The following NFE2L3 variants were observed in gnomAD, a reference collection of about 807,000 sequenced individuals.
NFE2L3 encodes the protein nuclear factor erythroid 2-related factor 3.
In NFE2L3, 18 loss-of-function variants were observed where a neutral mutation model predicts 23.5. That is an observed-to-expected ratio of 0.77 (90% CI 0.53 to 1.13). The LOEUF (loss-of-function observed/expected upper bound fraction) is 1.13. NFE2L3 is among the 50% of genes most tolerant of loss of function. The probability of loss-of-function intolerance (pLI) is 0.00; values close to 1 mark genes in which losing one functional copy is unlikely to be tolerated. For synonymous variants in NFE2L3, 424 were observed against 354.5 expected (o/e 1.20, Z -2.20); for missense variants, 1,152 against 877.2 (o/e 1.31, Z -3.96).
chr7:26,164,623 T>C (rs1040038316), intron 1 of NFE2L3, among the ~76,000 whole-genome samples: 1 of 152,210 alleles, frequency 6.6e-6, no homozygotes. Flanking sequence ...TTCACTCTGA[T>C]GGTAGTTTCT....
At chr7:26,178,170 G>C (rs1228172426) in intron 2 of NFE2L3, 48 bp downstream of exon 2, 31 of 1,541,620 alleles carry the variant, frequency 2.0e-5, no homozygotes, top group Non-Finnish European at 2.7e-5. Flanking sequence ...TTTTAATGTA[G>C]ATTTTGTGGC....
In NFE2L3 at chr7:26,185,546, GAAGGAAACTCTTAAGAGAGAGC is replaced by G. The variant is rs1349399947; in HGVS notation, c.1852_1873del (p.Glu618HisfsTer9). The G allele has an allele frequency of 6.2e-7, 1 of 1,613,856 alleles. No individual in the cohort carries two copies. Reference sequence around the variant, plus strand: ...ATGATGTATGTAACTTGCAAGCAAAGAAGGAAACTCTTAAGAGAGAGCAAGCACAATGTAACAAAGCTATTAA... The same window carrying G: ...ATGATGTATGTAACTTGCAAGCAAAGAAGCACAATGTAACAAAGCTATTAA... On this transcript the variant is annotated frameshift_variant, in exon 4 of 4. Coordinates refer to ENST00000056233, the MANE Select transcript of NFE2L3 (RefSeq NM_004289.7). LOFTEE classifies it low-confidence loss of function (END_TRUNC).
chr7:26,161,736 A>T (rs1784176541), intron 1 of NFE2L3, among the ~76,000 whole-genome samples: 1 of 152,076 alleles, frequency 6.6e-6, no homozygotes, highest in Non-Finnish European at 1.5e-5. Context: ...TTATTTTCTA[A>T]TATATTCTAA....
intron 1 of NFE2L3, among the ~76,000 whole-genome samples, chr7:26,167,755 C>T (rs1229589305): frequency 1.3e-5 from 2 of 152,090 alleles, no homozygotes; most frequent in Non-Finnish European, 2.9e-5. Flanking sequence ...TAATTACTGG[C>T]TACTAGGGCT....
Position 26,185,027 on chromosome 7 carries a change from T to C in NFE2L3, c.1329T>C (p.Asp443=). Residue 443 remains aspartate (D), a synonymous_variant, in exon 4 of 4, where the codon GAT becomes GAC. Transcript: ENST00000056233. ...CTAATTCCTCTCACTCTGTGTGTGA[T>C]GAAGGTGCTATAGGTTATTGCACTG... ...IKSNSSHSVC[D]EGAIGYCTDH... 1.2e-6 allele frequency: 2 copies of C among 1,613,898 alleles called. No individual in the cohort carries two copies. The highest frequency in any genetic ancestry group is 1.7e-6 in the Non-Finnish European group (2 of 1,179,830).
chr7:26,175,306 G>A (rs1030242237), intron 1 of NFE2L3, among the ~76,000 whole-genome samples: 3 of 152,084 alleles, frequency 2.0e-5, no homozygotes, highest in Non-Finnish European at 4.4e-5. Context: ...CCTGCCGTGA[G>A]CCGAGATCTC....
At chr7:26,154,606 A>G (rs1334276565) in intron 1 of NFE2L3, among the ~76,000 whole-genome samples, 1 of 152,120 alleles carries the variant, frequency 6.6e-6, no homozygotes, top group African/African-American at 2.4e-5. Flanking sequence ...GCTGGAGTGC[A>G]AAGGTGCAAT....
rs1003776374 is a variant in NFE2L3, at chr7:26,152,799, C to G, written c.301C>G (p.Pro101Ala). Residue 101 changes from proline (P) to alanine (A), a missense_variant, in exon 1 of 4, where the codon CCC (proline) becomes GCC (alanine). By Grantham distance (27) the Pro-to-Ala change is conservative. Transcript: ENST00000056233. This position sits in a 1 kb window ranked among gnomAD's most constrained non-coding sequence, Gnocchi z 4.4. ...CCGGGAGGTGCGCGCGCTCGGGGTCCCCTTCGTCCCTCGCACCAGCGTGGA... is the reference window on the plus strand; with the variant it reads ...CCGGGAGGTGCGCGCGCTCGGGGTCGCCTTCGTCCCTCGCACCAGCGTGGA... ...LLREVRALGVPFVPRTSVDAW... is the reference protein window; with the variant it reads ...LLREVRALGVAFVPRTSVDAW... 6.7e-7 allele frequency: 1 copy of G among 1,486,310 alleles called. No homozygotes were observed. The highest frequency in any genetic ancestry group is 1.5e-5 in the African/African-American group (1 of 68,460). The allele number at this position is 1,486,310 out of a possible 1,614,324, so 92.1% of individuals were successfully genotyped here. A position where few individuals can be genotyped will look rare whatever the true frequency, so the allele number is the denominator to read the frequency against.
At chr7:26,184,038 TATTTATCCAAA>T in intron 3 of NFE2L3, 1 of 490,058 alleles carries the variant, frequency 2.0e-6, no homozygotes, top group Middle Eastern at 4.2e-4. Flanking sequence ...AATTATCAGG[TATTTATCCAAA>T]GGAAAGGAAA....
chr7:26,184,178 G>C (rs1264574469), intron 3 of NFE2L3: 1 of 335,880 alleles, frequency 3.0e-6, no homozygotes, highest in Non-Finnish European at 5.5e-6. Context: ...CTACTTCACT[G>C]TAGTTTATTA....
intron 1 of NFE2L3, among the ~76,000 whole-genome samples, chr7:26,170,266 C>A (rs1051462896): frequency 2.6e-5 from 4 of 152,232 alleles, no homozygotes; most frequent in Non-Finnish European, 5.9e-5. Context: ...GAAATATCCA[C>A]TGTAGCCACT....
In NFE2L3 at chr7:26,185,205, C is replaced by A. The variant is rs192882381; in HGVS notation, c.1507C>A (p.Gln503Lys). ...ATTTCATAACCACACTTACCACTTA[C>A]AGCCAACTGCACCAGAATCTACTTC... is the stretch of plus-strand genomic sequence containing the variant. The part of the protein sequence containing the change: ...HVFHNHTYHL[Q>K]PTAPESTSEP... The change falls in exon 4 of 4, where the codon CAG becomes AAG. Residue 503 changes from glutamine to lysine, a missense_variant. Transcript: ENST00000056233. The A allele has an allele frequency of 6.2e-7, 1 of 1,613,914 alleles. No individual in the cohort carries two copies. The highest frequency in any genetic ancestry group is 1.1e-5 in the South Asian group (1 of 91,066).
In NFE2L3 at chr7:26,184,744, C is replaced by A. The variant is rs773624474; in HGVS notation, c.1046C>A (p.Thr349Asn). ...QEPFLQLNSH[T>N]TNPEQTLPGT... ...CCATTTCTGCAGTTAAATTCTCATA[C>A]CACCAATCCTGAGCAAACCCTTCCT... Residue 349 changes from threonine to asparagine, a missense_variant, in exon 4 of 4, where the codon ACC becomes AAC. By Grantham distance (65) the Thr-to-Asn change is moderately conservative. Coordinates refer to ENST00000056233, the MANE Select transcript of NFE2L3 (RefSeq NM_004289.7). The A allele has an allele frequency of 1.2e-6, 2 of 1,613,802 alleles. No individual in the cohort carries two copies. The highest frequency in any genetic ancestry group is 2.2e-5 in the East Asian group (1 of 44,894).
At chr7:26,184,022 T>C (rs1341204526) in intron 3 of NFE2L3, 1 of 507,230 alleles carries the variant, frequency 2.0e-6, no homozygotes, top group Non-Finnish European at 3.5e-6. Flanking sequence ...CTCAAAAAAC[T>C]AAAAGAATTA....
intron 1 of NFE2L3, among the ~76,000 whole-genome samples, chr7:26,168,868 A>G (rs10951127): frequency 0.069 from 10,471 of 152,194 alleles, 812 homozygotes; most frequent in East Asian, 0.36. Flanking sequence ...GTTTTCAACT[A>G]ATTCCTTAAA....
intron 1 of NFE2L3, among the ~76,000 whole-genome samples, chr7:26,162,496 CA>C (rs1271079084): frequency 6.6e-6 from 1 of 151,994 alleles, no homozygotes; most frequent in Non-Finnish European, 1.5e-5. Context: ...AGGAAAAATA[CA>C]AAAAACATCA....
In NFE2L3 at chr7:26,152,700, T is replaced by TG. The variant is rs1172332167; in HGVS notation, c.207dup (p.Arg70AlafsTer136). Reference sequence around the variant, plus strand: ...CAGCCCCTTCTCGGCCTCGGGAGGGTGGGGGCGCGCGGGCCACTTGCACCC... The same window carrying TG: ...CAGCCCCTTCTCGGCCTCGGGAGGGTGGGGGGCGCGCGGGCCACTTGCACCC... On this transcript the variant is annotated frameshift_variant, in exon 1 of 4. Transcript: ENST00000056233. LOFTEE classifies it high-confidence loss of function. This position sits in a 1 kb window ranked among gnomAD's most constrained non-coding sequence, Gnocchi z 4.4. 6.8e-7 allele frequency: 1 copy of TG among 1,476,380 alleles called. No individual in the cohort carries two copies. The highest frequency in any genetic ancestry group is 1.5e-5 in the African/African-American group (1 of 67,518). 91.5% of individuals were successfully genotyped at this position (1,476,380 alleles called of 1,614,324 possible).
At chr7:26,163,233 C>T (rs1784199057) in intron 1 of NFE2L3, among the ~76,000 whole-genome samples, 1 of 152,240 alleles carries the variant, frequency 6.6e-6, no homozygotes, top group Non-Finnish European at 1.5e-5. Flanking sequence ...TCTTCCACTA[C>T]TTCCATTAAC....
At chr7:26,171,720 G>C (rs1306492819) in intron 1 of NFE2L3, among the ~76,000 whole-genome samples, 1 of 151,854 alleles carries the variant, frequency 6.6e-6, no homozygotes, top group Non-Finnish European at 1.5e-5. Flanking sequence ...TGTATTTTTG[G>C]TTCCCTCTCT....
Sources: allele counts gnomAD v4.1 joint callset (sites outside exome capture counted in the v4.1 genomes callset), GRCh38; gene constraint gnomAD v4.1.1; non-coding constraint Gnocchi (gnomAD v3.1); transcripts MANE v1.5; gene names NCBI Gene and HGNC (gene_info 2026-07-23, HGNC 2026-07-21).